Variants in KMT2C observed in about 807,000 individuals in gnomAD.
The protein encoded by KMT2C is histone-lysine N-methyltransferase 2C.
KMT2C carries 88 observed loss-of-function variants against 507.9 expected under a neutral mutation model. The observed-to-expected ratio is 0.17, with a 90% confidence interval of 0.15 to 0.21. KMT2C has a LOEUF of 0.21. Among genes scored for constraint, KMT2C ranks in the 10% least tolerant of loss-of-function variants. The pLI, the probability that KMT2C is intolerant of heterozygous loss-of-function variation, is 1.00. For synonymous variants in KMT2C, 2,049 were observed against 2,080.8 expected (o/e 0.98, Z 0.42); for missense variants, 4,954 against 5,957.8 (o/e 0.83, Z 5.55).
Position 152,238,778 on chromosome 7 carries a change from C to G in KMT2C, c.2581G>C (p.Asp861His). 6.2e-7 allele frequency: 1 copy of G among 1,609,908 alleles called. No individual in the cohort carries two copies. The highest frequency in any genetic ancestry group is 8.5e-7 in the Non-Finnish European group (1 of 1,178,892). Residue 861 changes from aspartate (D) to histidine (H), a missense_variant, in exon 15 of 59, where the codon GAC becomes CAC. Asp to His is a moderately conservative substitution (Grantham distance 81). This residue lies in a region of KMT2C where 62 missense variants were observed against 137.2 expected (regional missense o/e 0.45). Coordinates refer to ENST00000262189, the MANE Select transcript of KMT2C (RefSeq NM_170606.3). ...NTVSPPSWSP[D>H]ISEGREIFKP... is the part of the protein sequence containing the mutation. ...AAAATTTCCCGACCTTCTGAAATGT[C>G]TGGGGACCAGGAAGGTGGGCTCACT...
chr7:152,188,974 A>G (rs1189407821), intron 31 of KMT2C, among the ~76,000 whole-genome samples: 2 of 152,206 alleles, frequency 1.3e-5, no homozygotes, highest in Non-Finnish European at 2.9e-5. Context: ...ATCTATCACT[A>G]AAAATCAGAT....
chr7:152,290,600 G>A (rs1389497625), intron 6 of KMT2C, among the ~76,000 whole-genome samples: 1 of 151,476 alleles, frequency 6.6e-6, no homozygotes, highest in Non-Finnish European at 1.5e-5. Flanking sequence ...AAACCACTGC[G>A]CCCGGCCCAT....
chr7:152,264,534 A>G (rs2095831463), intron 8 of KMT2C, among the ~76,000 whole-genome samples: 1 of 152,244 alleles, frequency 6.6e-6, no homozygotes, highest in Non-Finnish European at 1.5e-5. Flanking sequence ...GCAGATGTAC[A>G]TTAAAATAAT....
At chr7:152,326,684 T>A (rs1348770845) in intron 3 of KMT2C, among the ~76,000 whole-genome samples, 1 of 152,004 alleles carries the variant, frequency 6.6e-6, no homozygotes, top group Admixed American at 6.6e-5. Context: ...ATCGAGACCA[T>A]CCTGGCTAAC....
intron 6 of KMT2C, among the ~76,000 whole-genome samples, chr7:152,294,884 T>A (rs965568598): frequency 6.6e-6 from 1 of 152,168 alleles, no homozygotes; most frequent in African/African-American, 2.4e-5. Context: ...GACCAAAGGA[T>A]CAATCTTCCA....
At chr7:152,196,640 G>C (rs1017592774) in intron 27 of KMT2C, among the ~76,000 whole-genome samples, 1 of 152,180 alleles carries the variant, frequency 6.6e-6, no homozygotes, top group Non-Finnish European at 1.5e-5. Flanking sequence ...TTCTCAGGGG[G>C]AGTTAGTAAA....
At chr7:152,184,072 C>CAA (rs555445009) in intron 34 of KMT2C, among the ~76,000 whole-genome samples, 54 of 49,384 alleles carry the variant, frequency 1.1e-3, no homozygotes, top group African/African-American at 2.6e-3. Flanking sequence ...AGCTCCATCT[C>CAA]AAAAAAAAAA....
At chr7:152,236,984 C>T (rs573459769) in intron 15 of KMT2C, among the ~76,000 whole-genome samples, 11 of 152,178 alleles carry the variant, frequency 7.2e-5, no homozygotes, top group Non-Finnish European at 1.5e-4. Context: ...AAGAAATAAA[C>T]CTATGGGAAA....
intron 2 of KMT2C, among the ~76,000 whole-genome samples, chr7:152,354,527 A>G (rs759594104): frequency 6.6e-6 from 1 of 152,220 alleles, no homozygotes; most frequent in Non-Finnish European, 1.5e-5. Context: ...GTTACGTACT[A>G]GGAGAAAAAT....
intron 7 of KMT2C, among the ~76,000 whole-genome samples, chr7:152,266,805 C>G (rs1420251320): frequency 6.6e-6 from 1 of 152,302 alleles, no homozygotes; most frequent in Admixed American, 6.5e-5. Context: ...CGCTTGAGGG[C>G]AGTACAAAAA....
At chr7:152,242,697 T>C (rs1474792318) in intron 14 of KMT2C, among the ~76,000 whole-genome samples, 1 of 152,194 alleles carries the variant, frequency 6.6e-6, no homozygotes, top group Non-Finnish European at 1.5e-5. Context: ...AGAACAATAA[T>C]GACACGTGGA....
chr7:152,390,101 A>G (rs531019327), intron 1 of KMT2C, among the ~76,000 whole-genome samples: 1 of 152,344 alleles, frequency 6.6e-6, no homozygotes, highest in Admixed American at 6.5e-5. Flanking sequence ...AAAACTACCT[A>G]TTGGGTACTA....
At chr7:152,260,809 G>A (rs2095756973) in intron 9 of KMT2C, among the ~76,000 whole-genome samples, 1 of 152,188 alleles carries the variant, frequency 6.6e-6, no homozygotes, top group African/African-American at 2.4e-5. Context: ...ATTAACAGAG[G>A]AAATATATTT....
intron 2 of KMT2C, among the ~76,000 whole-genome samples, chr7:152,351,950 A>C (rs2097114333): frequency 1.3e-5 from 2 of 152,212 alleles, no homozygotes; most frequent in African/African-American, 4.8e-5. Flanking sequence ...ACCTTGAAAA[A>C]AGAACAGGAT....
chr7:152,340,232 C>T (rs943110204), intron 2 of KMT2C, among the ~76,000 whole-genome samples: 5 of 151,370 alleles, frequency 3.3e-5, no homozygotes, highest in Non-Finnish European at 5.9e-5. Flanking sequence ...CAGTTATCCT[C>T]CCACCTCAGC....
intron 6 of KMT2C, among the ~76,000 whole-genome samples, chr7:152,276,694 A>G (rs1163252431): frequency 6.6e-6 from 1 of 151,972 alleles, no homozygotes; most frequent in African/African-American, 2.4e-5. Flanking sequence ...TTGAGGCTGC[A>G]GTGAGCTGTG....
intron 7 of KMT2C, among the ~76,000 whole-genome samples, chr7:152,273,429 A>C (rs2096014343): frequency 6.6e-6 from 1 of 152,198 alleles, no homozygotes; most frequent in Non-Finnish European, 1.5e-5. Context: ...CCCTATTTAC[A>C]TCTTTCTACA....
intron 24 of KMT2C, among the ~76,000 whole-genome samples, chr7:152,206,505 T>C (rs2094312284): frequency 6.6e-6 from 1 of 152,130 alleles, no homozygotes; most frequent in Non-Finnish European, 1.5e-5. Flanking sequence ...AAGTTCTTCC[T>C]TCCATATCAA....
At chr7:152,347,831 C>A (rs1000944947) in intron 2 of KMT2C, among the ~76,000 whole-genome samples, 1 of 152,142 alleles carries the variant, frequency 6.6e-6, no homozygotes, top group African/African-American at 2.4e-5. Context: ...CTAGGCTACA[C>A]AGTCCATCTA....
Sources: gnomAD v4.1 joint callset for allele counts (sites outside exome capture counted in the v4.1 genomes callset) on GRCh38, gnomAD v4.1.1 for gene constraint, gnomAD v4.1.1 regional missense constraint, MANE v1.5 for transcripts, NCBI Gene and HGNC (gene_info 2026-07-23, HGNC 2026-07-21) for gene names.